GPAM: variants seen among roughly 807,000 people sequenced by gnomAD.
GPAM encodes glycerol-3-phosphate acyltransferase 1, mitochondrial.
Under a neutral mutation model 105.0 loss-of-function variants are expected in GPAM, and 56 were observed. The observed-to-expected ratio is 0.53, with a 90% CI of 0.43 to 0.67. The LOEUF (loss-of-function observed/expected upper bound fraction) is 0.67, where lower values mean the gene tolerates loss of function less well. GPAM is among the 30% of genes least tolerant of loss of function. The pLI, the probability that GPAM is intolerant of heterozygous loss-of-function variation, is 0.00. For missense variants in GPAM, 855 were observed against 989.8 expected, an observed-to-expected ratio of 0.86 and a Z score of 1.83; for synonymous variants, 368 against 354.4, an observed-to-expected ratio of 1.04 and a Z score of -0.43.
chr10:112,204,929 G>T (rs987734511), intron 1 of GPAM, among the ~76,000 whole-genome samples: 1 of 95,070 alleles, frequency 1.1e-5, no homozygotes, highest in African/African-American at 4.3e-5. Context: ...CATCGTCTCA[G>T]CCCAAAATCT....
At chr10:112,186,108 T>TA (rs1363020189), upstream of GPAM, among the ~76,000 whole-genome samples, 1 of 151,372 alleles carries the variant, frequency 6.6e-6, no homozygotes, top group Non-Finnish European at 1.5e-5. Flanking sequence ...AAGCCACTGA[T>TA]AAAGAGAAAA....
rs770997245 is a variant in GPAM, at chr10:112,168,436, C to T, written c.983G>A (p.Arg328Gln). ...TACCACAACTGACAAAAGTCCTGCCCGAGCACAAGAGGTTTTTCCACTCCT... is the reference window on the plus strand; with the variant it reads ...TACCACAACTGACAAAAGTCCTGCCTGAGCACAAGAGGTTTTTCCACTCCT... ...RSRSGKTSCA[R>Q]AGLLSVVVDT... Residue 328 changes from arginine (R) to glutamine (Q), a missense_variant, in exon 11 of 22, where the codon CGG becomes CAG. Physicochemically the swap from Arg to Gln is conservative, Grantham distance 43. Coordinates refer to ENST00000348367, the MANE Select transcript of GPAM (RefSeq NM_001244949.2). 9 of 1,611,310 alleles carry T rather than the reference C, an allele frequency of 5.6e-6. No homozygotes were observed. Among genetic ancestry groups the T allele is most frequent in the African/African-American group, 4.0e-5 (3 of 74,852 alleles).
chr10:112,157,508 C>G, intron 18 of GPAM, 119 bp from the exon 19 acceptor site: 2 of 900,002 alleles, frequency 2.2e-6, no homozygotes, highest in South Asian at 2.8e-5. Flanking sequence ...CTCTGTTTAG[C>G]CACTCATAAT....
chr10:112,227,293 T>C, the GPAM span, among the ~76,000 whole-genome samples: 1 of 152,064 alleles, frequency 6.6e-6, no homozygotes, highest in Non-Finnish European at 1.5e-5. Flanking sequence ...CAAAGGAGGG[T>C]CCATTACACC....
intron 19 of GPAM, chr10:112,156,520 A>G (rs1303343289): frequency 9.5e-6 from 2 of 210,730 alleles, no homozygotes; most frequent in Non-Finnish European, 1.9e-5. Context: ...CCCACAGTCC[A>G]GCACTGTGGG....
At chr10:112,187,486 G>C (rs1344417028), upstream of GPAM, among the ~76,000 whole-genome samples, 2 of 151,990 alleles carry the variant, frequency 1.3e-5, no homozygotes, top group Non-Finnish European at 2.9e-5. Context: ...AATGATAAAA[G>C]GGTCAATTCA....
At position 112,153,493 on chromosome 10, in the gene GPAM, G is replaced by A. The variant is rs1208799915; in HGVS notation, c.*57C>T. 1 of 1,611,400 alleles carries A rather than the reference G, an allele frequency of 6.2e-7. No homozygotes were observed. The highest frequency in any genetic ancestry group is 1.3e-5 in the African/African-American group (1 of 74,788). On this transcript the variant is annotated 3_prime_UTR_variant, in exon 22 of 22. Transcript: ENST00000348367. ...ACCTTCAACTCTTGAGCCAGAAGCTGGTACCTACAAGGAACTCATCTCATG... is the reference window on the plus strand; with the variant it reads ...ACCTTCAACTCTTGAGCCAGAAGCTAGTACCTACAAGGAACTCATCTCATG...
At chr10:112,195,735 A>G (rs1847716012) in intron 1 of GPAM, among the ~76,000 whole-genome samples, 3 of 152,226 alleles carry the variant, frequency 2.0e-5, no homozygotes, top group East Asian at 1.9e-4. Flanking sequence ...CAGATGCTCA[A>G]TATCTATTTG....
At chr10:112,161,958 A>G (rs1320650511) in intron 14 of GPAM, among the ~76,000 whole-genome samples, 1 of 152,228 alleles carries the variant, frequency 6.6e-6, no homozygotes, top group South Asian at 2.1e-4. Context: ...CAGGCTAAGT[A>G]AGACAGGTCC....
At chr10:112,176,125 C>T (rs528126530) in intron 5 of GPAM, among the ~76,000 whole-genome samples, 81 of 152,170 alleles carry the variant, frequency 5.3e-4, no homozygotes, top group Admixed American at 2.2e-3. Context: ...GAAGTCTTTT[C>T]CTATGATCAA....
At chr10:112,155,602 A>G (rs958517414) in intron 20 of GPAM, 5 of 384,330 alleles carry the variant, frequency 1.3e-5, no homozygotes, top group African/African-American at 1.0e-4. Flanking sequence ...ATACAATGGA[A>G]CACTACACAA....
rs778035784 is a variant in GPAM at position 112,160,807 on chromosome 10, C to T, written c.1556G>A (p.Arg519His). ...TCCTGAGAACCCCAGGTCAAAATCA[C>T]GAGCCAGGACTTCCTCTTTCATCAC... ...FFVMKEEVLA[R>H]DFDLGFSGNS... The change falls in exon 16 of 22, where the codon CGT becomes CAT. Residue 519 changes from arginine (R) to histidine (H), a missense_variant. Coordinates refer to ENST00000348367, the MANE Select transcript of GPAM (RefSeq NM_001244949.2). 10 of 1,613,526 alleles carry T rather than the reference C, an allele frequency of 6.2e-6. No individual in the cohort carries two copies. Among genetic ancestry groups the T allele is most frequent in the Admixed American group, 3.3e-5 (2 of 60,010 alleles).
At chr10:112,214,612 C>T (rs146330345) in intron 1 of GPAM, among the ~76,000 whole-genome samples, 16 of 152,246 alleles carry the variant, frequency 1.1e-4, no homozygotes, top group Non-Finnish European at 8.8e-5. Flanking sequence ...GAATATCACC[C>T]GTTAAACACA....
At chr10:112,161,246 G>C (rs1413530259) in intron 15 of GPAM, among the ~76,000 whole-genome samples, 1 of 152,088 alleles carries the variant, frequency 6.6e-6, no homozygotes, top group Non-Finnish European at 1.5e-5. Flanking sequence ...GGCACTGTTT[G>C]GTGTTGAGAA....
chr10:112,218,213 T>A (rs374696506), upstream of GPAM, among the ~76,000 whole-genome samples: 1 of 152,096 alleles, frequency 6.6e-6, no homozygotes, highest in African/African-American at 2.4e-5. Flanking sequence ...GAACTCTGGG[T>A]GAAAGCACTG....
chr10:112,162,629 T>TA lies in GPAM; in HGVS notation c.1424-893dup, dbSNP rs540719859. ...TGGTAACTGAAGTCGTCTCCAGTGT[T>TA]AAAAAAAAGTACTCAGTACTATATG... On this transcript the variant is annotated intron_variant, in intron 14 of 21. Coordinates refer to ENST00000348367, the MANE Select transcript of GPAM (RefSeq NM_001244949.2). Among the ~76,000 whole-genome samples the TA allele has an allele frequency of 2.3e-4, 35 of 151,800 alleles. No individual in the cohort carries two copies. The South Asian group carries it at 2.7e-3, about 12-fold the overall frequency.
intron 1 of GPAM, 90 bp from the exon 2 acceptor site, chr10:112,182,981 C>A (rs1297400495): frequency 2.0e-5 from 3 of 152,218 alleles, no homozygotes; most frequent in African/African-American, 7.2e-5. Context: ...TTCCTCCCTC[C>A]GCACAGTTCG....
the GPAM span, among the ~76,000 whole-genome samples, chr10:112,224,511 T>G: frequency 0.012 from 1,772 of 152,222 alleles, 38 homozygotes; most frequent in African/African-American, 0.04. Context: ...GAGAGAGAGT[T>G]GCAAGCTATC....
chr10:112,178,017 C>T lies in GPAM; in HGVS notation c.266G>A (p.Arg89Gln). 1.9e-6 allele frequency: 3 copies of T among 1,602,574 alleles called. No homozygotes were observed. The highest frequency in any genetic ancestry group is 2.2e-5 in the East Asian group (1 of 44,744). The change falls in exon 5 of 22, where the codon CGG becomes CAG. Residue 89 changes from arginine (R) to glutamine (Q), a missense_variant. Coordinates refer to ENST00000348367, the MANE Select transcript of GPAM (RefSeq NM_001244949.2). ...AGTTTCATTGATATAAATAACATTC[C>T]GCAAACCCAAAGACGGGATACTGGG... Reference protein sequence around the residue: ...FNPSIPSLGLRNVIYINETHT... With the variant: ...FNPSIPSLGLQNVIYINETHT...
Sources: allele counts gnomAD v4.1 joint callset (sites outside exome capture counted in the v4.1 genomes callset), GRCh38; gene constraint gnomAD v4.1.1; transcripts MANE v1.5; gene names NCBI Gene and HGNC (gene_info 2026-07-23, HGNC 2026-07-21).